Variants in ZNF385D observed in about 807,000 individuals in gnomAD.
The protein encoded by ZNF385D is zinc finger protein 659.
In ZNF385D, 15 loss-of-function variants were observed where a neutral mutation model predicts 35.8. That is an observed-to-expected ratio of 0.42 (90% CI 0.28 to 0.64). ZNF385D has a LOEUF of 0.64. ZNF385D is among the 30% of genes least tolerant of loss of function. ZNF385D has a pLI of 0.23. For missense variants in ZNF385D, 474 were observed against 494.6 expected (o/e 0.96, Z 0.39); for synonymous variants, 212 against 186.8 (o/e 1.13, Z -1.10).
chr3:22,008,447 G>T (rs1311733284), intron 3 of ZNF385D, among the ~76,000 whole-genome samples: 3 of 150,212 alleles, frequency 2.0e-5, no homozygotes, highest in African/African-American at 7.4e-5. Context: ...CCGCCCCCCG[G>T]AGTTCACAAC....
chr3:21,461,497 G>A (rs768715365), intron 4 of ZNF385D, among the ~76,000 whole-genome samples: 4 of 152,224 alleles, frequency 2.6e-5, no homozygotes, highest in African/African-American at 9.6e-5. Flanking sequence ...GCAGTGAGCC[G>A]AGCTCGTGCC....
chr3:21,679,893 C>G (rs1445865385), intron 1 of ZNF385D, among the ~76,000 whole-genome samples: 1 of 151,950 alleles, frequency 6.6e-6, no homozygotes, highest in Non-Finnish European at 1.5e-5. Flanking sequence ...TCATGGTAAC[C>G]CATAGAAGTA....
chr3:21,684,365 C>CT (rs1553637053), intron 1 of ZNF385D, among the ~76,000 whole-genome samples: 11 of 73,382 alleles, frequency 1.5e-4, no homozygotes, highest in East Asian at 1.3e-3. Flanking sequence ...TAACTGTTCT[C>CT]CTCTCTCTCT....
rs1301085587 is a variant in ZNF385D, at chr3:21,771,351, A to C, written c.326-106323T>G. On this transcript the variant is annotated intron_variant, in intron 3 of 5. Transcript: ENST00000494108. ...AAAAACAATAAGAAATAAATATATAATACAGAAAGCCCTGGGGAAAGGGGT... is the reference window on the plus strand; with the variant it reads ...AAAAACAATAAGAAATAAATATATACTACAGAAAGCCCTGGGGAAAGGGGT... Among the ~76,000 whole-genome samples, 3 of 152,064 alleles carry C rather than the reference A, an allele frequency of 2.0e-5. No homozygotes were observed. In the East Asian group the frequency reaches 5.8e-4, roughly 30 times the overall value.
At chr3:21,892,239 G>A (rs1481482519) in intron 3 of ZNF385D, among the ~76,000 whole-genome samples, 1 of 152,180 alleles carries the variant, frequency 6.6e-6, no homozygotes, top group East Asian at 1.9e-4. Flanking sequence ...TGAAAGGGAT[G>A]TTTGCCTGAA....
intron 3 of ZNF385D, among the ~76,000 whole-genome samples, chr3:22,082,434 G>A (rs569137448): frequency 8.5e-5 from 13 of 152,306 alleles, no homozygotes; most frequent in African/African-American, 2.6e-4. Context: ...CATGCCCAGG[G>A]AGACTTGCTC....
At chr3:21,970,352 CT>C (rs1310027721) in intron 3 of ZNF385D, among the ~76,000 whole-genome samples, 1 of 151,878 alleles carries the variant, frequency 6.6e-6, no homozygotes, top group Non-Finnish European at 1.5e-5. Context: ...ATTAGATAAA[CT>C]TAAAAAATAG....
chr3:21,433,124 G>C (rs1220878122), intron 5 of ZNF385D, among the ~76,000 whole-genome samples: 1 of 152,094 alleles, frequency 6.6e-6, no homozygotes, highest in East Asian at 1.9e-4. Context: ...AATGTTCTCT[G>C]CATATCTGGG....
intron 2 of ZNF385D, among the ~76,000 whole-genome samples, chr3:22,257,388 A>C (rs1262649311): frequency 1.3e-5 from 2 of 151,824 alleles, no homozygotes; most frequent in Admixed American, 1.3e-4. Context: ...ATTTTTCATC[A>C]TCATACTGAA....
intron 2 of ZNF385D, among the ~76,000 whole-genome samples, chr3:22,223,304 G>T (rs1698366943): frequency 6.6e-6 from 1 of 152,020 alleles, no homozygotes; most frequent in South Asian, 2.1e-4. Flanking sequence ...TCGGTTGTTT[G>T]TTGTATAAGT....
In ZNF385D at chr3:22,279,161, G is replaced by T. The variant is rs190355127; in HGVS notation, c.106+93289C>A. On this transcript the variant is annotated intron_variant, in intron 2 of 5. Transcript: ENST00000494108. ...GGGAACAGGTGATGTTTGGTTACAT[G>T]AATAAGTTATTTAGTGGCCAATTCT... Among the ~76,000 whole-genome samples the T allele has an allele frequency of 2.0e-3, 298 of 152,040 alleles. 1 individual carries two copies. Among genetic ancestry groups the T allele is most frequent in the African/African-American group, 6.9e-3 (285 of 41,486 alleles).
rs60753360 is a variant in ZNF385D at position 21,918,708 on chromosome 3, A to G, written c.325+250109T>C. On this transcript the variant is annotated intron_variant, in intron 3 of 5. Transcript: ENST00000494108. ...ATTATTCTTCTTTGTCTTTATTCCA[A>G]TATCACTTTATAATTCTATAACATG... Among the ~76,000 whole-genome samples the G allele has an allele frequency of 2.5e-3, 384 of 152,282 alleles. 2 individuals are homozygous for G. The highest frequency in any genetic ancestry group is 8.7e-3 in the African/African-American group (362 of 41,570).
intron 2 of ZNF385D, among the ~76,000 whole-genome samples, chr3:22,342,070 T>C (rs1575157128): frequency 6.6e-6 from 1 of 151,708 alleles, no homozygotes; most frequent in Non-Finnish European, 1.5e-5. Flanking sequence ...GGTCAGGAAA[T>C]CGAGACCATC....
chr3:22,090,727 A>AG (rs1343648902), intron 3 of ZNF385D, among the ~76,000 whole-genome samples: 3 of 152,178 alleles, frequency 2.0e-5, no homozygotes, highest in South Asian at 4.1e-4. Context: ...GATACTTGGA[A>AG]GGGGGACATA....
At chr3:22,227,076 A>C (rs920431965) in intron 2 of ZNF385D, among the ~76,000 whole-genome samples, 1 of 152,118 alleles carries the variant, frequency 6.6e-6, no homozygotes, top group Non-Finnish European at 1.5e-5. Flanking sequence ...AGACCCACTA[A>C]ATCAGATAAG....
At chr3:21,618,760 C>T (rs752925442) in intron 2 of ZNF385D, among the ~76,000 whole-genome samples, 2 of 152,044 alleles carry the variant, frequency 1.3e-5, no homozygotes, top group Non-Finnish European at 2.9e-5. Context: ...CAACATAAAG[C>T]AATACAGTAG....
chr3:21,490,686 G>A (rs1186608341), intron 4 of ZNF385D, among the ~76,000 whole-genome samples: 1 of 152,054 alleles, frequency 6.6e-6, no homozygotes, highest in African/African-American at 2.4e-5. Context: ...ACTGATGTGA[G>A]CCTTTATCAG....
intron 3 of ZNF385D, among the ~76,000 whole-genome samples, chr3:22,100,858 T>A (rs1701901161): frequency 6.6e-6 from 1 of 150,874 alleles, no homozygotes; most frequent in African/African-American, 2.4e-5. Flanking sequence ...AAAAAGAAAA[T>A]CACATAAAAA....
chr3:21,923,444 G>A (rs948379477), intron 3 of ZNF385D, among the ~76,000 whole-genome samples: 2 of 152,182 alleles, frequency 1.3e-5, no homozygotes, highest in Non-Finnish European at 2.9e-5. Flanking sequence ...GGGGAAAGCA[G>A]TTTGGAGATT....
Sources: gnomAD v4.1 joint callset for allele counts (sites outside exome capture counted in the v4.1 genomes callset) on GRCh38, gnomAD v4.1.1 for gene constraint, MANE v1.5 for transcripts, NCBI Gene and HGNC (gene_info 2026-07-23, HGNC 2026-07-21) for gene names.